Variants in DENND1B observed in about 807,000 individuals in gnomAD.
DENND1B encodes the protein DENN domain-containing protein 1B.
In DENND1B, 59 loss-of-function variants were observed where a neutral mutation model predicts 90.1. That is an observed-to-expected ratio of 0.65 (90% CI 0.53 to 0.81). DENND1B has a LOEUF of 0.81. Among genes scored for constraint, DENND1B ranks in the 40% least tolerant of loss-of-function variants. DENND1B has a pLI of 0.00. For synonymous variants in DENND1B, 337 were observed against 324.6 expected, an observed-to-expected ratio of 1.04 and a Z score of -0.41; for missense variants, 862 against 912.6, an observed-to-expected ratio of 0.94 and a Z score of 0.71.
chr1:197,746,708 G>C (rs1296003322), intron 2 of DENND1B: 2 of 854,366 alleles, frequency 2.3e-6, no homozygotes, highest in Non-Finnish European at 4.0e-6. Context: ...TCAGTAAATT[G>C]AGCATTTGAG....
chr1:197,589,063 G>A (rs530254077), intron 14 of DENND1B, among the ~76,000 whole-genome samples: 1 of 152,142 alleles, frequency 6.6e-6, no homozygotes, highest in East Asian at 1.9e-4. Context: ...AGACATTGCT[G>A]TTTCTAGCTT....
intron 1 of DENND1B, chr1:197,774,458 TCAC>T (rs1162722939): frequency 1.3e-5 from 2 of 152,096 alleles, no homozygotes; most frequent in Non-Finnish European, 2.9e-5. Flanking sequence ...AGAAACAAAA[TCAC>T]CACCGTTATT....
chr1:197,750,575 T>TAGAC (rs1553342792), intron 2 of DENND1B, among the ~76,000 whole-genome samples: 2 of 78,532 alleles, frequency 2.5e-5, no homozygotes, highest in Admixed American at 2.9e-4. Flanking sequence ...CAAACCTAGA[T>TAGAC]AGATAGATAG....
chr1:197,598,847 T>TA (rs1429819222), intron 13 of DENND1B, among the ~76,000 whole-genome samples: 2 of 151,856 alleles, frequency 1.3e-5, no homozygotes. Context: ...ACTCTGTAAA[T>TA]ACATTTTTTA....
intron 2 of DENND1B, among the ~76,000 whole-genome samples, chr1:197,738,795 C>A (rs1662949049): frequency 1.3e-5 from 2 of 152,180 alleles, no homozygotes; most frequent in African/African-American, 2.4e-5. Context: ...AATTTTCAGA[C>A]ATTAGTAAAT....
chr1:197,614,536 A>C (rs542085428), intron 11 of DENND1B, among the ~76,000 whole-genome samples: 3 of 151,124 alleles, frequency 2.0e-5, no homozygotes, highest in South Asian at 2.1e-4. Context: ...TATGTGAAAA[A>C]CTGTCCTAAA....
upstream of DENND1B, chr1:197,775,509 G>A: frequency 5.4e-6 from 1 of 183,900 alleles, no homozygotes; most frequent in South Asian, 1.9e-4. Context: ...GAGGGGGAAG[G>A]GGCGCGCGGG....
chr1:197,655,408 C>T (rs1232376401), intron 6 of DENND1B, among the ~76,000 whole-genome samples: 1 of 152,178 alleles, frequency 6.6e-6, no homozygotes, highest in Non-Finnish European at 1.5e-5. Context: ...AGAGTTACAA[C>T]CCAGTGTAAA....
intron 15 of DENND1B, among the ~76,000 whole-genome samples, chr1:197,580,811 G>A (rs938419433): frequency 6.6e-6 from 1 of 152,058 alleles, no homozygotes; most frequent in East Asian, 1.9e-4. Flanking sequence ...CAGGAACTGG[G>A]TCTCCTATTA....
At chr1:197,736,254 C>A (rs778044612) in intron 2 of DENND1B, 18 of 399,072 alleles carry the variant, frequency 4.5e-5, no homozygotes, top group Non-Finnish European at 6.5e-5. Flanking sequence ...ACTTGAATAG[C>A]AAAAATTTTG....
intron 2 of DENND1B, among the ~76,000 whole-genome samples, chr1:197,723,628 T>C (rs1661384191): frequency 6.6e-6 from 1 of 152,164 alleles, no homozygotes; most frequent in Admixed American, 6.6e-5. Context: ...AGGTTGCTTG[T>C]AGAAAGATGA....
chr1:197,653,357 T>C (rs890815595), intron 6 of DENND1B, among the ~76,000 whole-genome samples: 2 of 152,132 alleles, frequency 1.3e-5, no homozygotes, highest in African/African-American at 4.8e-5. Flanking sequence ...AATTTACCTC[T>C]TGGACTTTTA....
chr1:197,728,837 C>T (rs767369407), intron 2 of DENND1B, among the ~76,000 whole-genome samples: 21 of 152,140 alleles, frequency 1.4e-4, no homozygotes, highest in Non-Finnish European at 2.4e-4. Context: ...TCATATAGAA[C>T]TTTAAAATTT....
intron 20 of DENND1B, among the ~76,000 whole-genome samples, chr1:197,515,482 T>C (rs1173296421): frequency 6.6e-6 from 1 of 151,792 alleles, no homozygotes; most frequent in Non-Finnish European, 1.5e-5. Context: ...CCATTAGTAT[T>C]ACACTGAGCT....
At chr1:197,553,832 C>A (rs1671458231) in intron 15 of DENND1B, among the ~76,000 whole-genome samples, 1 of 151,936 alleles carries the variant, frequency 6.6e-6, no homozygotes. Flanking sequence ...ACTTGATATG[C>A]ATGAGGTTAT....
intron 10 of DENND1B, among the ~76,000 whole-genome samples, chr1:197,628,538 A>C (rs1237036525): frequency 1.3e-5 from 2 of 152,202 alleles, no homozygotes; most frequent in Non-Finnish European, 2.9e-5. Context: ...AGATGGATTA[A>C]AGACTTAAAC....
At chr1:197,523,658 A>C (rs536363340) in intron 20 of DENND1B, among the ~76,000 whole-genome samples, 169 of 152,310 alleles carry the variant, frequency 1.1e-3, no homozygotes, top group African/African-American at 3.7e-3. Flanking sequence ...CTCTAAGCAC[A>C]AGATAATAGC....
chr1:197,735,639 A>T (rs1047663290), intron 2 of DENND1B: 70 of 1,614,102 alleles, frequency 4.3e-5, no homozygotes, highest in Non-Finnish European at 5.8e-5. Context: ...TGCCGCCATG[A>T]AGGTCGAGCT....
chr1:197,579,816 T>C (rs1674037110), intron 15 of DENND1B, among the ~76,000 whole-genome samples: 1 of 152,196 alleles, frequency 6.6e-6, no homozygotes, highest in South Asian at 2.1e-4. Context: ...CATCAACTTA[T>C]TTAATTTCAA....
Sources: gnomAD v4.1 joint callset for allele counts (sites outside exome capture counted in the v4.1 genomes callset) on GRCh38, gnomAD v4.1.1 for gene constraint, MANE v1.5 for transcripts, NCBI Gene and HGNC (gene_info 2026-07-23, HGNC 2026-07-21) for gene names.